AMPD3: variants seen among roughly 807,000 people sequenced by gnomAD.
The protein encoded by AMPD3 is adenosine monophosphate deaminase 3.
AMPD3 carries 57 observed loss-of-function variants against 82.3 expected under a neutral mutation model. The ratio of observed to expected loss-of-function variants is 0.69; its 90% CI spans 0.56 to 0.86. The LOEUF (loss-of-function observed/expected upper bound fraction) is 0.86. Among genes scored for constraint, AMPD3 ranks in the 40% least tolerant of loss-of-function variants. The probability of loss-of-function intolerance (pLI) is 0.00; values close to 1 mark genes in which losing one functional copy is unlikely to be tolerated. For synonymous variants in AMPD3, 381 were observed against 394.7 expected (o/e 0.97, Z 0.41); for missense variants, 870 against 1,003.8 (o/e 0.87, Z 1.80).
At chr11:10,467,841 GA>G (rs1357361581) in intron 2 of AMPD3, among the ~76,000 whole-genome samples, 1 of 152,234 alleles carries the variant, frequency 6.6e-6, no homozygotes, top group Non-Finnish European at 1.5e-5. Context: ...CTACAAGCCA[GA>G]AGAGAGTGGG....
At chr11:10,462,163 G>A (rs1175501995) in intron 2 of AMPD3, among the ~76,000 whole-genome samples, 1 of 152,142 alleles carries the variant, frequency 6.6e-6, no homozygotes, top group Non-Finnish European at 1.5e-5. Flanking sequence ...CCTGGGTCTA[G>A]ACAATAATTA....
chr11:10,456,428 G>C lies in AMPD3; in HGVS notation c.-6+980G>C, dbSNP rs1282511157. ...GTCTGTGTCGGGGCTTCTGCAAGGGGAGTCTGGCAAGAGTAGGAACCAGCT... is the reference window on the plus strand; with the variant it reads ...GTCTGTGTCGGGGCTTCTGCAAGGGCAGTCTGGCAAGAGTAGGAACCAGCT... On this transcript the variant is annotated intron_variant, in intron 1 of 14. Transcript: ENST00000396553. The surrounding 1 kb of genome is among the most constrained non-coding windows in gnomAD (Gnocchi z 4.3). 1 of 1,613,684 alleles carries C rather than the reference G, an allele frequency of 6.2e-7. No homozygotes were observed. Among genetic ancestry groups the C allele is most frequent in the East Asian group, 2.2e-5 (1 of 44,898 alleles).
In AMPD3 at chr11:10,472,166, C is replaced by T. The variant is rs185616934; in HGVS notation, c.222-6360C>T. Among the ~76,000 whole-genome samples the T allele has an allele frequency of 1.9e-3, 285 of 152,220 alleles. 1 individual carries two copies. Among genetic ancestry groups the T allele is most frequent in the Middle Eastern group, 0.01 (3 of 294 alleles). ...CAGGGACATGGATGAAGCTAGAAAC[C>T]ATCATTCTCAGCAAACTAACACAAG... is the stretch of plus-strand genomic sequence containing the variant. On this transcript the variant is annotated intron_variant, in intron 2 of 14. Transcript: ENST00000396553.
intron 3 of AMPD3, 45 bp from the exon 4 acceptor site, chr11:10,482,018 C>T (rs1848921797): frequency 1.2e-6 from 2 of 1,612,938 alleles, no homozygotes; most frequent in South Asian, 2.2e-5. Flanking sequence ...ATGGCAGTCT[C>T]AGGCCTGCTG....
At chr11:10,458,529 T>C (rs1041352840) in intron 1 of AMPD3, among the ~76,000 whole-genome samples, 1 of 152,156 alleles carries the variant, frequency 6.6e-6, no homozygotes, top group Non-Finnish European at 1.5e-5. Context: ...TTTGACTGCG[T>C]GAATCTCTTG....
chr11:10,501,057 C>T (rs767727954), intron 11 of AMPD3: 4 of 985,416 alleles, frequency 4.1e-6, no homozygotes, highest in Non-Finnish European at 4.8e-6. Flanking sequence ...TTGCTACTGA[C>T]CTGTTCAGTG....
intron 2 of AMPD3, among the ~76,000 whole-genome samples, chr11:10,471,865 C>T (rs573792054): frequency 1.3e-5 from 2 of 152,318 alleles, no homozygotes; most frequent in African/African-American, 4.8e-5. Context: ...TAAATTAGTT[C>T]AACCATTGTG....
At position 10,455,465 on chromosome 11, in the gene AMPD3, T is replaced by G; in HGVS notation, c.-6+17T>G. On this transcript the variant is annotated intron_variant, in intron 1 of 14. Coordinates refer to ENST00000396553, the MANE Select transcript of AMPD3 (RefSeq NM_001025389.2). ...TGAGCGGCTGTAAGCAGGGGAGGGT[T>G]TGGGGTGGGCTCCGGTGGGTCAGTT... 1 of 978,488 alleles carries G rather than the reference T, an allele frequency of 1.0e-6. No individual in the cohort carries two copies. The highest frequency in any genetic ancestry group is 1.2e-6 in the Non-Finnish European group (1 of 823,804). 60.6% of individuals were successfully genotyped at this position (978,488 alleles called of 1,614,324 possible). A position where few individuals can be genotyped will look rare whatever the true frequency, so the allele number is the denominator to read the frequency against.
In AMPD3 at chr11:10,500,160, G is replaced by A. The variant is rs775008071; in HGVS notation, c.1632G>A (p.Pro544=). The A allele has an allele frequency of 1.2e-5, 19 of 1,614,038 alleles. No individual in the cohort carries two copies. Among genetic ancestry groups the A allele is most frequent in the Admixed American group, 3.3e-5 (2 of 60,006 alleles). The change falls in exon 11 of 15, where the codon CCG becomes CCA. Residue 544 remains proline (P), a synonymous_variant. Coordinates refer to ENST00000396553, the MANE Select transcript of AMPD3 (RefSeq NM_001025389.2). ...TGTTTTCCGACAAGAGCCCAAACCC[G>A]GACGTCTGGACCAGTGAGCAGAACC... ...DHMFSDKSPN[P]DVWTSEQNPP...
intron 7 of AMPD3, chr11:10,494,529 C>T (rs1189564028): frequency 1.0e-6 from 1 of 983,954 alleles, no homozygotes; most frequent in African/African-American, 1.7e-5. Context: ...TTTTGTTAAA[C>T]AAAACATTGA....
Position 10,496,792 on chromosome 11 carries a change from G to A in AMPD3, c.1431-20G>A, listed in dbSNP as rs374141845. 37 of 1,614,116 alleles carry A rather than the reference G, an allele frequency of 2.3e-5. No individual in the cohort carries two copies. The East Asian group carries it at 5.1e-4, about 22-fold the overall frequency. The stretch of plus-strand genomic sequence containing the variant: ...AGGCTGTTGGATCCACCTGACAAGC[G>A]AGTCTTTGCTGTCCCCCAGTGACAT... On this transcript the variant is annotated intron_variant, in intron 9 of 14. Coordinates refer to ENST00000396553, the MANE Select transcript of AMPD3 (RefSeq NM_001025389.2).
intron 4 of AMPD3, among the ~76,000 whole-genome samples, chr11:10,483,468 C>T (rs1472653150): frequency 6.6e-6 from 1 of 152,206 alleles, no homozygotes; most frequent in African/African-American, 2.4e-5. Flanking sequence ...GGGCCTATTT[C>T]CCTATCTGAG....
Position 10,495,623 on chromosome 11 carries a change from C to G in AMPD3, c.1320C>G (p.Leu440=). The G allele has an allele frequency of 1.2e-6, 2 of 1,613,910 alleles. No homozygotes were observed. The highest frequency in any genetic ancestry group is 1.7e-6 in the Non-Finnish European group (2 of 1,180,042). ...AGTACCAGTACTCAGAGCCACGGCT[C>G]TCCATCTACGGCCGCAGTCCTGAGG... ...ESKYQYSEPR[L]SIYGRSPEEW... is the part of the protein sequence containing the mutation. Residue 440 remains leucine, a synonymous_variant, in exon 9 of 15, where the codon CTC becomes CTG. Transcript: ENST00000396553.
intron 2 of AMPD3, chr11:10,473,353 T>G: frequency 2.0e-6 from 2 of 977,742 alleles, no homozygotes; most frequent in South Asian, 9.5e-5. Context: ...CACTTCATTT[T>G]CATCTCCAGG....
chr11:10,459,157 C>T (rs923717522), intron 1 of AMPD3, among the ~76,000 whole-genome samples: 3 of 152,162 alleles, frequency 2.0e-5, no homozygotes, highest in African/African-American at 7.2e-5. Flanking sequence ...GTCTGCTCCC[C>T]AGACAGTTGT....
At chr11:10,464,186 T>C (rs1019601972) in intron 2 of AMPD3, among the ~76,000 whole-genome samples, 4 of 152,240 alleles carry the variant, frequency 2.6e-5, no homozygotes, top group African/African-American at 9.6e-5. Context: ...GTGATTTCTC[T>C]GACTTCCTGC....
At chr11:10,458,058 G>A (rs570163704) in intron 1 of AMPD3, among the ~76,000 whole-genome samples, 4 of 152,198 alleles carry the variant, frequency 2.6e-5, no homozygotes, top group Admixed American at 2.6e-4. Flanking sequence ...CATGAAGGAG[G>A]TAGGAAGGTG....
At chr11:10,457,388 T>G (rs1848128404) in intron 1 of AMPD3, among the ~76,000 whole-genome samples, 1 of 152,062 alleles carries the variant, frequency 6.6e-6, no homozygotes, top group Non-Finnish European at 1.5e-5. Context: ...TACTCTATGA[T>G]CCTTGATTTT....
rs752148858 is a variant in AMPD3 at position 10,504,652 on chromosome 11, C to A, written c.2120C>A (p.Ser707Ter). 6.2e-7 allele frequency: 1 copy of A among 1,614,002 alleles called. No homozygotes were observed. Among genetic ancestry groups the A allele is most frequent in the South Asian group, 1.1e-5 (1 of 91,072 alleles). The change falls in exon 14 of 15, where the codon TCG becomes TAG. Residue 707 changes from serine (S) to a stop codon, truncating the protein, a stop_gained. Transcript: ENST00000396553. LOFTEE classifies it high-confidence loss of function. ...ARNSVLQSGL[S>*]HQEKQKFLGQ... ...AACAGCGTGCTGCAGAGCGGCCTCT[C>A]GCATCAGGTATGGAGTGTGACGGTG...
Sources: allele counts gnomAD v4.1 joint callset (sites outside exome capture counted in the v4.1 genomes callset), GRCh38; gene constraint gnomAD v4.1.1; non-coding constraint Gnocchi (gnomAD v3.1); transcripts MANE v1.5; gene names NCBI Gene and HGNC (gene_info 2026-07-23, HGNC 2026-07-21).